NKTR: variants seen among roughly 807,000 people sequenced by gnomAD.
The protein encoded by NKTR is natural killer cell triggering receptor.
A neutral mutation model predicts 156.3 loss-of-function variants in NKTR; 67 were observed. The observed-to-expected ratio is 0.43, with a 90% CI of 0.35 to 0.53. NKTR has a LOEUF of 0.53. Ranked by LOEUF, NKTR falls within the 20% of genes least tolerant of loss-of-function variation. The probability of loss-of-function intolerance (pLI) is 0.01; values close to 1 mark genes in which losing one functional copy is unlikely to be tolerated. For synonymous variants in NKTR, 640 were observed against 596.6 expected (o/e 1.07, Z -1.06); for missense variants, 1,604 against 1,730.9 (o/e 0.93, Z 1.30).
chr3:42,613,893 A>G (rs1707092897), intron 2 of NKTR, among the ~76,000 whole-genome samples: 1 of 152,232 alleles, frequency 6.6e-6, no homozygotes, highest in Admixed American at 6.5e-5. Context: ...AGCCATGTAT[A>G]AAAGCAACAT....
intron 12 of NKTR, 100 bp downstream of exon 12, chr3:42,635,466 A>C: frequency 1.1e-6 from 1 of 930,600 alleles, no homozygotes; most frequent in Non-Finnish European, 1.6e-6. Flanking sequence ...ATTCAGTGAA[A>C]GATTCACAGT....
intron 2 of NKTR, among the ~76,000 whole-genome samples, chr3:42,606,180 T>C (rs1706213822): frequency 6.6e-6 from 1 of 152,204 alleles, no homozygotes; most frequent in East Asian, 1.9e-4. Flanking sequence ...CGTCCTCTTA[T>C]AGCTAAAATT....
Position 42,639,252 on chromosome 3 carries a change from C to G in NKTR, c.3548C>G (p.Ser1183Cys). ...GTAGTAAAACAGGAAAGCAGCATGT[C>G]CGAAAGTAAAGTGTTGGGTGAAGTG... ...AEVVKQESSM[S>C]ESKVLGEVGK... Residue 1183 changes from serine to cysteine, a missense_variant, in exon 13 of 17, where the codon TCC (serine) becomes TGC (cysteine). Coordinates refer to ENST00000232978, the MANE Select transcript of NKTR (RefSeq NM_005385.4). The G allele has an allele frequency of 6.2e-7, 1 of 1,614,136 alleles. No homozygotes were observed. The highest frequency in any genetic ancestry group is 8.5e-7 in the Non-Finnish European group (1 of 1,180,026).
At chr3:42,609,861 T>A (rs191638775) in intron 2 of NKTR, among the ~76,000 whole-genome samples, 2 of 152,376 alleles carry the variant, frequency 1.3e-5, no homozygotes, top group Admixed American at 6.5e-5. Flanking sequence ...AATATAAATA[T>A]CAACAACTTC....
chr3:42,632,493 G>T, intron 8 of NKTR, 108 bp from the exon 9 acceptor site: 16 of 637,936 alleles, frequency 2.5e-5, no homozygotes, highest in South Asian at 4.8e-5. Flanking sequence ...TTCATTTTTT[G>T]TTTGCTGTAT....
At chr3:42,609,822 ATT>A (rs965410131) in intron 2 of NKTR, among the ~76,000 whole-genome samples, 1 of 151,550 alleles carries the variant, frequency 6.6e-6, no homozygotes, top group Non-Finnish European at 1.5e-5. Flanking sequence ...TTTTTACTGT[ATT>A]TTGTTCTACT....
chr3:42,600,932 T>TCGCCCCCGCCCTCGCCCCTGCCCA, intron 1 of NKTR, 52 bp from the exon 2 acceptor site: 1 of 1,104,780 alleles, frequency 9.1e-7, no homozygotes, highest in Non-Finnish European at 1.2e-6. Flanking sequence ...GCCCCTGCCC[T>TCGCCCCCGCCCTCGCCCCTGCCCA]CGCCCCCGCC....
chr3:42,639,585 A>G lies in NKTR; in HGVS notation c.3881A>G (p.Gln1294Arg). ...CGCTTAAACCGTAGACCAAGAAATC[A>G]GGAGAGTTCAAGTGATGAGCAGACG... ...TARLNRRPRN[Q>R]ESSSDEQTPS... is the part of the protein sequence containing the mutation. The change falls in exon 13 of 17, where the codon CAG (glutamine) becomes CGG (arginine). Residue 1294 changes from glutamine (Q) to arginine (R), a missense_variant. Coordinates refer to ENST00000232978, the MANE Select transcript of NKTR (RefSeq NM_005385.4). 3 of 1,614,230 alleles carry G rather than the reference A, an allele frequency of 1.9e-6. No individual in the cohort carries two copies. Among genetic ancestry groups the G allele is most frequent in the Non-Finnish European group, 2.5e-6 (3 of 1,180,020 alleles).
intron 5 of NKTR, chr3:42,620,025 T>G (rs1452508814): frequency 6.5e-7 from 1 of 1,534,388 alleles, no homozygotes; most frequent in African/African-American, 1.4e-5. Context: ...GAGAATGTGG[T>G]CTTTTGCAAA....
At chr3:42,625,954 CT>C (rs1218391840) in intron 6 of NKTR, among the ~76,000 whole-genome samples, 1 of 152,038 alleles carries the variant, frequency 6.6e-6, no homozygotes, top group African/African-American at 2.4e-5. Flanking sequence ...ATTTTGGTGA[CT>C]TTTGGAACAC....
rs372458209 is a variant in NKTR at position 42,643,994 on chromosome 3, G to A, written c.4292G>A (p.Arg1431Gln). ...TACCACCGAGGCAGAAGTTATAATC[G>A]GCGGTCCAGGTGGGTCTCTCTCCTT... is the stretch of plus-strand genomic sequence containing the variant. ...DSYHRGRSYNRRSRSCRSYGS... is the reference protein window; with the variant it reads ...DSYHRGRSYNQRSRSCRSYGS... The change falls in exon 16 of 17, where the codon CGG becomes CAG. Residue 1431 changes from arginine (R) to glutamine (Q), a missense_variant. Arg to Gln is a conservative substitution (Grantham distance 43, BLOSUM62 1). Coordinates refer to ENST00000232978, the MANE Select transcript of NKTR (RefSeq NM_005385.4). 14 of 1,613,294 alleles carry A rather than the reference G, an allele frequency of 8.7e-6. No individual in the cohort carries two copies. Among genetic ancestry groups the A allele is most frequent in the African/African-American group, 1.3e-5 (1 of 74,998 alleles).
chr3:42,629,575 A>G (rs1341062162), intron 6 of NKTR: 3 of 983,154 alleles, frequency 3.1e-6, no homozygotes, highest in Non-Finnish European at 3.6e-6. Flanking sequence ...CTGCTTTAAC[A>G]TGGCCTGACA....
Position 42,638,596 on chromosome 3 carries a change from T to G in NKTR, c.2892T>G (p.Cys964Trp), listed in dbSNP as rs139935921. 970 of 1,613,866 alleles carry G rather than the reference T, an allele frequency of 6.0e-4. 1 individual carries two copies. Among genetic ancestry groups the G allele is most frequent in the Non-Finnish European group, 7.4e-4 (874 of 1,180,014 alleles). ...CAACTTCTGACTCTGAGGGGTCCTGTTCCAATTCGGAAAACAATAGGGGAA... is the reference window on the plus strand; with the variant it reads ...CAACTTCTGACTCTGAGGGGTCCTGGTCCAATTCGGAAAACAATAGGGGAA... Reference protein sequence around the residue: ...RTSTSDSEGSCSNSENNRGKP... With the variant: ...RTSTSDSEGSWSNSENNRGKP... The change falls in exon 13 of 17, where the codon TGT (cysteine) becomes TGG (tryptophan). Residue 964 changes from cysteine (C) to tryptophan (W), a missense_variant. Physicochemically the swap from Cys to Trp is radical, Grantham distance 215 (BLOSUM62 -2). This residue lies in a region of NKTR where 1,255 missense variants were observed against 1,243.7 expected (regional missense o/e 1.01). Coordinates refer to ENST00000232978, the MANE Select transcript of NKTR (RefSeq NM_005385.4).
At chr3:42,645,840 A>G in intron 16 of NKTR, 48 bp from the exon 17 acceptor site, 1 of 1,348,900 alleles carries the variant, frequency 7.4e-7, no homozygotes, top group South Asian at 1.3e-5. Context: ...AGGAATTCAA[A>G]GATTTTACAG....
chr3:42,630,705 C>G lies in NKTR; in HGVS notation c.404+130C>G, dbSNP rs928030519. The G allele has an allele frequency of 8.1e-6, 12 of 1,485,924 alleles. No individual in the cohort carries two copies. The South Asian group carries it at 1.6e-4, about 20-fold the overall frequency. The allele number at this position is 1,485,924 out of a possible 1,614,324, so 92.0% of individuals were successfully genotyped here. ...CTTAATCTCATAGCAAAAGCTATTC[C>G]TTAGGATCACAGAATATACTTGTTT... On this transcript the variant is annotated intron_variant, in intron 7 of 16. Transcript: ENST00000232978.
intron 6 of NKTR, 138 bp downstream of exon 6, chr3:42,621,654 A>C: frequency 1.1e-6 from 1 of 886,536 alleles, no homozygotes; most frequent in South Asian, 1.8e-5. Context: ...ATATCATAGT[A>C]ACTTATAAGG....
chr3:42,604,381 T>C (rs1705969498), intron 2 of NKTR, among the ~76,000 whole-genome samples: 1 of 103,850 alleles, frequency 9.6e-6, no homozygotes, highest in Non-Finnish European at 2.3e-5. Context: ...TTTGATACCT[T>C]TTTTTTTTGA....
At chr3:42,643,781 C>T (rs1022616797) in intron 15 of NKTR, 121 bp from the exon 16 acceptor site, 1 of 703,824 alleles carries the variant, frequency 1.4e-6, no homozygotes, top group Non-Finnish European at 2.6e-6. Flanking sequence ...GAAATATATC[C>T]TCATGCTGTC....
At chr3:42,636,728 G>A in intron 12 of NKTR, 140 bp from the exon 13 acceptor site, 1 of 1,176,580 alleles carries the variant, frequency 8.5e-7, no homozygotes, top group Non-Finnish European at 1.1e-6. Flanking sequence ...ACAAGACCAG[G>A]CCTATAACTC....
Sources: gnomAD v4.1 joint callset for allele counts (sites outside exome capture counted in the v4.1 genomes callset) on GRCh38, gnomAD v4.1.1 for gene constraint, gnomAD v4.1.1 regional missense constraint, MANE v1.5 for transcripts, NCBI Gene and HGNC (gene_info 2026-07-23, HGNC 2026-07-21) for gene names.